Variants in DYNLL1 observed in about 807,000 individuals in gnomAD.
DYNLL1 encodes dynein light chain LC8-type 1, also known as dynein light chain 1, cytoplasmic.
Under a neutral mutation model 10.1 loss-of-function variants are expected in DYNLL1, and 3 were observed. The ratio of observed to expected loss-of-function variants is 0.30; its 90% CI spans 0.14 to 0.77. DYNLL1 has a LOEUF of 0.77. Ranked by LOEUF, DYNLL1 falls within the 30% of genes least tolerant of loss-of-function variation. The pLI is 0.66. For synonymous variants in DYNLL1, 46 were observed against 41.2 expected (o/e 1.12, Z -0.45); for missense variants, 47 against 111.7 (o/e 0.42, Z 2.61).
At chr12:120,479,664 AGAG>A (rs1016267489) in intron 1 of DYNLL1, among the ~76,000 whole-genome samples, 1 of 152,002 alleles carries the variant, frequency 6.6e-6, no homozygotes, top group Non-Finnish European at 1.5e-5. Context: ...CAGGTAAATG[AGAG>A]GAGAAGAAAA....
intron 1 of DYNLL1, among the ~76,000 whole-genome samples, chr12:120,483,302 T>C (rs920451030): frequency 6.7e-6 from 1 of 149,868 alleles, no homozygotes; most frequent in Non-Finnish European, 1.5e-5. Context: ...TGTGCTACTG[T>C]ACTCTAGCCT....
intron 1 of DYNLL1, among the ~76,000 whole-genome samples, chr12:120,487,272 CTTTTTTTTTTTTTTTTTTTTTTTTTTT>C (rs71076619): frequency 2.0e-5 from 1 of 50,382 alleles, no homozygotes; most frequent in Non-Finnish European, 3.5e-5. Context: ...CGTGCCCGGC[CTTTTTTTTTTTTTTTTTTTTTTTTTTT>C]TTTTTTTTTT....
At chr12:120,485,691 A>C (rs1400464553) in intron 1 of DYNLL1, among the ~76,000 whole-genome samples, 2 of 151,940 alleles carry the variant, frequency 1.3e-5, no homozygotes, top group African/African-American at 2.4e-5. Context: ...AATCAAAAAA[A>C]TTAGCCAGGT....
At position 120,496,396 on chromosome 12, in the gene DYNLL1, C is replaced by A. The variant is rs1250590073; in HGVS notation, c.-6-20C>A. On this transcript the variant is annotated intron_variant, in intron 1 of 2. Transcript: ENST00000242577. ...GGGCGCGGCCCAACTCAACCCCTTA[C>A]CCCAGGCCTTGCCCACTAGGTAACC... is the stretch of plus-strand genomic sequence containing the variant. The A allele has an allele frequency of 2.5e-6, 4 of 1,613,632 alleles. No homozygotes were observed. The highest frequency in any genetic ancestry group is 2.7e-5 in the African/African-American group (2 of 74,898).
At chr12:120,474,135 A>G (rs1342858279) in intron 1 of DYNLL1, among the ~76,000 whole-genome samples, 1 of 151,912 alleles carries the variant, frequency 6.6e-6, no homozygotes, top group Non-Finnish European at 1.5e-5. Context: ...CCCCGTCTCT[A>G]CAAAAAATAC....
intron 1 of DYNLL1, among the ~76,000 whole-genome samples, chr12:120,481,980 T>C (rs1000612770): frequency 2.0e-5 from 3 of 152,078 alleles, no homozygotes; most frequent in Non-Finnish European, 2.9e-5. Context: ...TCCCAGAGTG[T>C]TGGGATTATG....
intron 1 of DYNLL1, among the ~76,000 whole-genome samples, chr12:120,489,465 T>C (rs1879070443): frequency 6.6e-6 from 1 of 152,248 alleles, no homozygotes; most frequent in African/African-American, 2.4e-5. Flanking sequence ...TCAGCAAATC[T>C]GTCAGCTCTA....
At chr12:120,493,732 C>T (rs1879193885), upstream of DYNLL1, 1 of 150,930 alleles carries the variant, frequency 6.6e-6, no homozygotes, top group Admixed American at 6.6e-5. Flanking sequence ...CTGCCTCAGC[C>T]TCCCAACTAG....
rs34043402 is a variant in DYNLL1 at position 120,485,251 on chromosome 12, C to CTTTTTT, written c.-6-11147_-6-11142dup. Among the ~76,000 whole-genome samples, 12 of 76,844 alleles carry CTTTTTT rather than the reference C, an allele frequency of 1.6e-4. 1 individual carries two copies. The highest frequency in any genetic ancestry group is 4.1e-4 in the East Asian group (1 of 2,414). 50.4% of individuals were successfully genotyped at this position (76,844 alleles called of 152,430 possible). The stretch of plus-strand genomic sequence containing the variant: ...AAGTAAATAGTTATGTTGTAGAAGG[C>CTTTTTT]TTTTTTTTTTTTTTTTTTTTTTTGA... On this transcript the variant is annotated intron_variant, in intron 1 of 2. Coordinates refer to the DYNLL1 transcript ENST00000392509.
At chr12:120,497,487 A>T (rs961557881) in intron 2 of DYNLL1, 4 of 152,604 alleles carry the variant, frequency 2.6e-5, no homozygotes, top group East Asian at 1.9e-4. Context: ...CAGTTGACAG[A>T]TTCTGTTTCC....
chr12:120,496,773 C>T lies in DYNLL1; in HGVS notation c.132+220C>T, dbSNP rs1483398545. The T allele has an allele frequency of 4.3e-5, 28 of 657,964 alleles. No individual in the cohort carries two copies. The South Asian group carries it at 5.6e-4, about 13-fold the overall frequency. 40.8% of individuals were successfully genotyped at this position (657,964 alleles called of 1,614,324 possible). A position where few individuals can be genotyped will look rare whatever the true frequency, so the allele number is the denominator to read the frequency against. ...TTTTTTTTTTTTTAATTACCCAGCT[C>T]CGCGGGGGGAAAGCGCCACCTAGCA... is the stretch of plus-strand genomic sequence containing the variant. On this transcript the variant is annotated intron_variant, in intron 2 of 2. Transcript: ENST00000242577.
intron 1 of DYNLL1, among the ~76,000 whole-genome samples, chr12:120,478,473 T>G (rs1878805387): frequency 6.7e-6 from 1 of 150,012 alleles, no homozygotes; most frequent in Non-Finnish European, 1.5e-5. Flanking sequence ...CTCAAACTCC[T>G]GAGCTCAAGT....
intron 1 of DYNLL1, among the ~76,000 whole-genome samples, chr12:120,476,963 T>C (rs1878768771): frequency 2.0e-5 from 3 of 146,688 alleles, no homozygotes; most frequent in African/African-American, 7.6e-5. Context: ...GGAGTCTCGC[T>C]CTGTTGCCCA....
chr12:120,481,667 G>A (rs1256503427), intron 1 of DYNLL1, among the ~76,000 whole-genome samples: 3 of 152,138 alleles, frequency 2.0e-5, no homozygotes, highest in Non-Finnish European at 2.9e-5. Context: ...ACATCAATGC[G>A]TTCATCATTC....
At chr12:120,472,384 C>A (rs1315690674) in intron 1 of DYNLL1, among the ~76,000 whole-genome samples, 1 of 152,144 alleles carries the variant, frequency 6.6e-6, no homozygotes, top group Admixed American at 6.6e-5. Flanking sequence ...TTATGTAAAG[C>A]ATCTAGCTGT....
At chr12:120,478,643 G>A (rs1878808875) in intron 1 of DYNLL1, among the ~76,000 whole-genome samples, 1 of 149,864 alleles carries the variant, frequency 6.7e-6, no homozygotes, top group South Asian at 2.1e-4. Flanking sequence ...CTTGAGGTCA[G>A]GAGTTCGAGA....
chr12:120,471,809 C>T (rs1226090231), intron 1 of DYNLL1, among the ~76,000 whole-genome samples: 1 of 152,052 alleles, frequency 6.6e-6, no homozygotes, highest in Non-Finnish European at 1.5e-5. Context: ...GACAGGGTTT[C>T]ACCGTGTTAG....
At chr12:120,496,292 C>A in intron 1 of DYNLL1, 76 bp downstream of exon 1, 1 of 1,409,428 alleles carries the variant, frequency 7.1e-7, no homozygotes, top group Non-Finnish European at 9.6e-7. Context: ...CTCCGCGTAG[C>A]CCGCGCTTCC....
At chr12:120,479,449 C>CAAAAAAAAAAAAAA (rs71076617) in intron 1 of DYNLL1, among the ~76,000 whole-genome samples, 2 of 76,088 alleles carry the variant, frequency 2.6e-5, no homozygotes, top group Non-Finnish European at 5.2e-5. Flanking sequence ...ACTCCGTCTC[C>CAAAAAAAAAAAAAA]AAAAAAAAAA....
Sources: gnomAD v4.1 joint callset for allele counts (sites outside exome capture counted in the v4.1 genomes callset) on GRCh38, gnomAD v4.1.1 for gene constraint, MANE v1.5 for transcripts, NCBI Gene and HGNC (gene_info 2026-07-23, HGNC 2026-07-21) for gene names.